The following CSTF1 variants were observed in gnomAD, a reference collection of about 807,000 sequenced individuals.
CSTF1 encodes the protein cleavage stimulation factor subunit 1, also known as CF-1 50 kDa subunit.
CSTF1 carries 2 observed loss-of-function variants against 40.9 expected under a neutral mutation model. The observed-to-expected ratio is 0.05, with a 90% CI of 0.02 to 0.15. The LOEUF (loss-of-function observed/expected upper bound fraction) is 0.15, where lower values mean the gene tolerates loss of function less well. Among genes scored for constraint, CSTF1 ranks in the 10% least tolerant of loss-of-function variants. CSTF1 has a pLI of 1.00. For synonymous variants in CSTF1, 218 were observed against 207.2 expected, an observed-to-expected ratio of 1.05 and a Z score of -0.45; for missense variants, 279 against 558.9, an observed-to-expected ratio of 0.50 and a Z score of 5.05.
rs544099784 is a variant in CSTF1 at position 56,397,615 on chromosome 20, G to T, written c.448-29G>T. On this transcript the variant is annotated intron_variant, in intron 3 of 5. Coordinates refer to ENST00000217109, the MANE Select transcript of CSTF1 (RefSeq NM_001324.3). This position sits in a 1 kb window ranked among gnomAD's most constrained non-coding sequence, Gnocchi z 4.4. ...GCACTTGGATTCAGACACATTCTGTGCCTTGAGCATCTCTTCTTGTTGGTC... is the reference window on the plus strand; with the variant it reads ...GCACTTGGATTCAGACACATTCTGTTCCTTGAGCATCTCTTCTTGTTGGTC... 2 of 1,609,692 alleles carry T rather than the reference G, an allele frequency of 1.2e-6. No individual in the cohort carries two copies. The highest frequency in any genetic ancestry group is 1.7e-6 in the Non-Finnish European group (2 of 1,176,074).
Position 56,405,088 on chromosome 20 carries a change from C to A in CSTF1, c.*1361C>A, listed in dbSNP as rs980649673. 1 of 152,032 alleles carries A rather than the reference C, an allele frequency of 6.6e-6. No individual in the cohort carries two copies. Among genetic ancestry groups the A allele is most frequent in the Non-Finnish European group, 1.5e-5 (1 of 68,026 alleles). The allele number at this position is 152,032 out of a possible 1,614,324, so 9.4% of individuals were successfully genotyped here. On this transcript the variant is annotated 3_prime_UTR_variant, in exon 6 of 6. Transcript: ENST00000217109. ...TTATATTTATCCCAAAAAACAAATACCTTATGATCTGCATAGGAGTACCTA... is the reference window on the plus strand; with the variant it reads ...TTATATTTATCCCAAAAAACAAATAACTTATGATCTGCATAGGAGTACCTA...
chr20:56,398,932 G>T (rs543174015), intron 4 of CSTF1, 35 bp from the exon 5 acceptor site: 1 of 1,534,750 alleles, frequency 6.5e-7, no homozygotes, highest in East Asian at 2.3e-5. Flanking sequence ...TTGTTCACCA[G>T]TTGGTCACTT....
At chr20:56,401,774 C>A (rs1394017531) in intron 5 of CSTF1, among the ~76,000 whole-genome samples, 1 of 152,182 alleles carries the variant, frequency 6.6e-6, no homozygotes, top group Non-Finnish European at 1.5e-5. Context: ...CCTTTGCATT[C>A]TCTTATTCTT....
At position 56,395,038 on chromosome 20, in the gene CSTF1, A is replaced by T. The variant is rs76803118; in HGVS notation, c.-32-483A>T. Among the ~76,000 whole-genome samples, 508 of 152,336 alleles carry T rather than the reference A, an allele frequency of 3.3e-3. 3 individuals are homozygous for T. The highest frequency in any genetic ancestry group is 0.011 in the African/African-American group (469 of 41,566). On this transcript the variant is annotated intron_variant, in intron 1 of 5. Coordinates refer to ENST00000217109, the MANE Select transcript of CSTF1 (RefSeq NM_001324.3). ...GTAACAAGCTCAGTTGCCTTAAAAC[A>T]GGTTTTGAGAATGAGCATAAAAGAT...
intron 5 of CSTF1, among the ~76,000 whole-genome samples, chr20:56,402,631 A>G (rs192120571): frequency 1.3e-5 from 2 of 152,256 alleles, no homozygotes; most frequent in African/African-American, 2.4e-5. Context: ...ACTAAATGTC[A>G]GGAAGTAAAA....
At position 56,399,477 on chromosome 20, in the gene CSTF1, CCTTT is replaced by C; in HGVS notation, c.1036+124_1036+127del. 1.1e-6 allele frequency: 1 copy of C among 933,126 alleles called. No individual in the cohort carries two copies. The highest frequency in any genetic ancestry group is 1.6e-6 in the Non-Finnish European group (1 of 625,588). 57.8% of individuals were successfully genotyped at this position (933,126 alleles called of 1,614,324 possible). A position where few individuals can be genotyped will look rare whatever the true frequency, so the allele number is the denominator to read the frequency against. ...ATGCATTGAGCAAGGCAGATGTTAC[CCTTT>C]CTTAGATAAGAGGAAACCAAGACTT... On this transcript the variant is annotated intron_variant, in intron 5 of 5. Coordinates refer to ENST00000217109, the MANE Select transcript of CSTF1 (RefSeq NM_001324.3). The surrounding 1 kb of genome is among the most constrained non-coding windows in gnomAD (Gnocchi z 4.6).
intron 2 of CSTF1, 183 bp downstream of exon 2, chr20:56,395,904 C>T (rs762917424): frequency 4.9e-6 from 3 of 610,400 alleles, no homozygotes; most frequent in Non-Finnish European, 5.6e-6. Context: ...AAGCAAAGTT[C>T]AGATTATGAA....
Position 56,397,184 on chromosome 20 carries a change from C to T in CSTF1, c.170-23C>T, listed in dbSNP as rs748579972. On this transcript the variant is annotated intron_variant, in intron 2 of 5. Transcript: ENST00000217109. The surrounding 1 kb of genome is among the most constrained non-coding windows in gnomAD (Gnocchi z 4.4). Reference sequence around the variant, plus strand: ...AAGAAAAAACACTTGTTTTGTTACGCCCTTAATTTTGATTTCTTTCAGGAA... The same window carrying T: ...AAGAAAAAACACTTGTTTTGTTACGTCCTTAATTTTGATTTCTTTCAGGAA... 2 of 1,601,008 alleles carry T rather than the reference C, an allele frequency of 1.2e-6. No individual in the cohort carries two copies. The highest frequency in any genetic ancestry group is 2.2e-5 in the East Asian group (1 of 44,670).
intron 2 of CSTF1, among the ~76,000 whole-genome samples, chr20:56,396,694 T>C (rs1377002712): frequency 6.6e-6 from 1 of 152,204 alleles, no homozygotes; most frequent in Non-Finnish European, 1.5e-5. Flanking sequence ...CTAATCAACA[T>C]ATTATTTGAT....
At chr20:56,393,390 C>T (rs1371961150) in intron 1 of CSTF1, among the ~76,000 whole-genome samples, 2 of 152,184 alleles carry the variant, frequency 1.3e-5, no homozygotes, top group East Asian at 3.9e-4. Flanking sequence ...GGAAATTATT[C>T]GAGTCATATT....
At position 56,406,167 on chromosome 20, in the gene CSTF1, A is replaced by G. The variant is rs1978696496; in HGVS notation, c.*2440A>G. ...TTGGTTTTTGGTTTTTTTGCTTTTT[A>G]AAGGTCACAGTGTTGTGAGCCTGGT... is the stretch of plus-strand genomic sequence containing the variant. On this transcript the variant is annotated 3_prime_UTR_variant, in exon 6 of 6. Coordinates refer to ENST00000217109, the MANE Select transcript of CSTF1 (RefSeq NM_001324.3). 1 of 151,996 alleles carries G rather than the reference A, an allele frequency of 6.6e-6. No individual in the cohort carries two copies. Among genetic ancestry groups the G allele is most frequent in the African/African-American group, 2.4e-5 (1 of 41,350 alleles). 9.4% of individuals were successfully genotyped at this position (151,996 alleles called of 1,614,324 possible).
intron 1 of CSTF1, among the ~76,000 whole-genome samples, chr20:56,394,328 G>A (rs934109086): frequency 6.6e-6 from 1 of 152,228 alleles, no homozygotes; most frequent in South Asian, 2.1e-4. Context: ...GCTCGCGCCC[G>A]TAATCCCAGC....
intron 5 of CSTF1, among the ~76,000 whole-genome samples, chr20:56,400,462 T>TC (rs1412786066): frequency 1.3e-5 from 2 of 152,182 alleles, no homozygotes; most frequent in Non-Finnish European, 2.9e-5. Context: ...GTGAAAGTAC[T>TC]CCCCCTATAG....
rs1269085102 is a variant in CSTF1, at chr20:56,405,401, G to T, written c.*1674G>T. ...TTGTATTTTTTTTAGTAGAGACGGGGTTTCTCCATGTTGGTCAGGCTGGTC... is the reference window on the plus strand; with the variant it reads ...TTGTATTTTTTTTAGTAGAGACGGGTTTTCTCCATGTTGGTCAGGCTGGTC... On this transcript the variant is annotated 3_prime_UTR_variant, in exon 6 of 6. Coordinates refer to ENST00000217109, the MANE Select transcript of CSTF1 (RefSeq NM_001324.3). 2 of 151,862 alleles carry T rather than the reference G, an allele frequency of 1.3e-5. No individual in the cohort carries two copies. The highest frequency in any genetic ancestry group is 1.3e-4 in the Admixed American group (2 of 15,244). The allele number at this position is 151,862 out of a possible 1,614,324, so 9.4% of individuals were successfully genotyped here. A position where few individuals can be genotyped will look rare whatever the true frequency, so the allele number is the denominator to read the frequency against.
intron 2 of CSTF1, chr20:56,395,991 C>G: frequency 3.2e-6 from 1 of 312,254 alleles, no homozygotes; most frequent in Non-Finnish European, 5.8e-6. Context: ...TACTGACTTC[C>G]TTCAGATTTT....
In CSTF1 at chr20:56,403,785, T is replaced by C. The variant is rs1317650555; in HGVS notation, c.*58T>C. 1.3e-6 allele frequency: 2 copies of C among 1,542,456 alleles called. No homozygotes were observed. The highest frequency in any genetic ancestry group is 1.7e-4 in the Middle Eastern group (1 of 5,724). ...CTCTACCCTCCTCCCCCACGTCCTG[T>C]CTCAGCTGCAGTCGTAAGTCCGTGC... On this transcript the variant is annotated 3_prime_UTR_variant, in exon 6 of 6. Transcript: ENST00000217109.
At chr20:56,403,233 C>G (rs886255750) in intron 5 of CSTF1, among the ~76,000 whole-genome samples, 4 of 151,300 alleles carry the variant, frequency 2.6e-5, no homozygotes, top group Admixed American at 6.6e-5. Context: ...CCAGACTGGT[C>G]TTGAACTCCT....
chr20:56,399,236 C>T lies in CSTF1; in HGVS notation c.915C>T (p.Asp305=), dbSNP rs756579489. 2.0e-5 allele frequency: 32 copies of T among 1,614,076 alleles called. No homozygotes were observed. Among genetic ancestry groups the T allele is most frequent in the South Asian group, 1.2e-4 (11 of 91,094 alleles). Residue 305 remains aspartate (D), a synonymous_variant, in exon 5 of 6, where the codon GAC becomes GAT. Transcript: ENST00000217109. This position sits in a 1 kb window ranked among gnomAD's most constrained non-coding sequence, Gnocchi z 4.6. The part of the protein sequence containing the change: ...RCITTFEKAH[D]GAEVCSAIFS... ...TCACAACTTTTGAGAAAGCACATGA[C>T]GGTGCTGAAGTTTGTTCTGCCATTT... is the stretch of plus-strand genomic sequence containing the variant.
Position 56,403,459 on chromosome 20 carries a change from CTG to C in CSTF1, c.1037-6_1037-5del, listed in dbSNP as rs752955942. ...CTTAGAAAGCTATCCCTCTTGCTCT[CTG>C]TGGCAGGCGCGGGTTTAAGTGGACG... is the stretch of plus-strand genomic sequence containing the variant. On this transcript the variant is annotated splice_region_variant and splice_polypyrimidine_tract_variant and intron_variant, in intron 5 of 5. Coordinates refer to ENST00000217109, the MANE Select transcript of CSTF1 (RefSeq NM_001324.3). 9 of 1,613,772 alleles carry C rather than the reference CTG, an allele frequency of 5.6e-6. No individual in the cohort carries two copies. The highest frequency in any genetic ancestry group is 1.7e-5 in the Admixed American group (1 of 60,004).
Sources: allele counts gnomAD v4.1 joint callset (sites outside exome capture counted in the v4.1 genomes callset), GRCh38; gene constraint gnomAD v4.1.1; non-coding constraint Gnocchi (gnomAD v3.1); transcripts MANE v1.5; gene names NCBI Gene and HGNC (gene_info 2026-07-23, HGNC 2026-07-21).